The following GSS variants were observed in gnomAD, a reference collection of about 807,000 sequenced individuals.
The protein encoded by GSS is glutathione synthetase.
Under a neutral mutation model 60.4 loss-of-function variants are expected in GSS, and 34 were observed. The ratio of observed to expected loss-of-function variants is 0.56; its 90% CI spans 0.43 to 0.75. The LOEUF (loss-of-function observed/expected upper bound fraction) is 0.75. GSS is among the 30% of genes least tolerant of loss of function. The pLI is 0.00. For synonymous variants in GSS, 224 were observed against 239.0 expected, an observed-to-expected ratio of 0.94 and a Z score of 0.58; for missense variants, 499 against 595.1, an observed-to-expected ratio of 0.84 and a Z score of 1.68.
At chr20:34,938,078 G>A (rs547120895) in intron 6 of GSS, among the ~76,000 whole-genome samples, 1 of 152,116 alleles carries the variant, frequency 6.6e-6, no homozygotes, top group Non-Finnish European at 1.5e-5. Context: ...GGCTGGGCTC[G>A]AACTCCTGAC....
At chr20:34,951,255 T>C (rs550437124) in intron 2 of GSS, among the ~76,000 whole-genome samples, 2 of 152,302 alleles carry the variant, frequency 1.3e-5, no homozygotes, top group African/African-American at 4.8e-5. Context: ...ATATATATGA[T>C]ACAATTTGTT....
chr20:34,930,611 T>C (rs1380658044), intron 11 of GSS, among the ~76,000 whole-genome samples: 1 of 152,158 alleles, frequency 6.6e-6, no homozygotes, highest in Non-Finnish European at 1.5e-5. Flanking sequence ...CAGGACATCT[T>C]CTACAATGCA....
intron 2 of GSS, 141 bp from the exon 3 acceptor site, chr20:34,946,239 T>A: frequency 1.6e-6 from 1 of 635,724 alleles, no homozygotes; most frequent in Non-Finnish European, 2.7e-6. Flanking sequence ...CTTGGGAGAG[T>A]GGAAGGGGGA....
chr20:34,937,861 T>G (rs917360715), intron 6 of GSS, among the ~76,000 whole-genome samples: 1 of 152,122 alleles, frequency 6.6e-6, no homozygotes, highest in Non-Finnish European at 1.5e-5. Flanking sequence ...TACATTTTAT[T>G]TTATTTATTT....
chr20:34,932,532 C>G (rs982418613), intron 9 of GSS, among the ~76,000 whole-genome samples: 1 of 152,230 alleles, frequency 6.6e-6, no homozygotes, highest in East Asian at 1.9e-4. Context: ...ACAGGCCTGT[C>G]ATTCCTCAAA....
intron 6 of GSS, among the ~76,000 whole-genome samples, chr20:34,938,163 A>G (rs1378484168): frequency 6.6e-6 from 1 of 151,244 alleles, no homozygotes; most frequent in Non-Finnish European, 1.5e-5. Context: ...CAGCCTCCAA[A>G]CTCCATTTTT....
rs776999784 is a variant in GSS at position 34,929,382 on chromosome 20, C to G, written c.1301+19G>C. 4.4e-6 allele frequency: 7 copies of G among 1,607,262 alleles called. No homozygotes were observed. The highest frequency in any genetic ancestry group is 1.7e-6 in the Non-Finnish European group (2 of 1,173,700). ...TCTTGCAAGCAGGTAGTGGAAAGAG[C>G]TTCTCCTGATTGGCTCACCTGACAT... is the stretch of plus-strand genomic sequence containing the variant. On this transcript the variant is annotated intron_variant, in intron 12 of 12. Coordinates refer to ENST00000651619, the MANE Select transcript of GSS (RefSeq NM_000178.4).
In GSS at chr20:34,955,794, G is replaced by A. The variant is rs1190783857; in HGVS notation, c.-76C>T. ...CCGCTACCCAGGCTCAGGGGGCGGGGCCTCGATGCGACCCAGTGCGCTTGC... is the reference window on the plus strand; with the variant it reads ...CCGCTACCCAGGCTCAGGGGGCGGGACCTCGATGCGACCCAGTGCGCTTGC... On this transcript the variant is annotated 5_prime_UTR_variant, in exon 1 of 13. Coordinates refer to ENST00000651619, the MANE Select transcript of GSS (RefSeq NM_000178.4). 1.3e-5 allele frequency: 2 copies of A among 152,268 alleles called. No homozygotes were observed. The highest frequency in any genetic ancestry group is 4.8e-5 in the African/African-American group (2 of 41,456). The allele number at this position is 152,268 out of a possible 1,614,324, so 9.4% of individuals were successfully genotyped here.
At chr20:34,948,221 A>G (rs1293034391) in intron 2 of GSS, among the ~76,000 whole-genome samples, 1 of 152,198 alleles carries the variant, frequency 6.6e-6, no homozygotes, top group Non-Finnish European at 1.5e-5. Flanking sequence ...TGCAGATTAC[A>G]TAAGGGGTGA....
intron 10 of GSS, 52 bp downstream of exon 10, chr20:34,931,887 G>C: frequency 2.0e-6 from 3 of 1,519,466 alleles, no homozygotes; most frequent in Non-Finnish European, 2.7e-6. Flanking sequence ...TTGGGCTGTA[G>C]GTCTCTGCCA....
chr20:34,946,021 C>G lies in GSS; in HGVS notation c.207G>C (p.Gln69His), dbSNP rs778604655. 18 of 1,614,040 alleles carry G rather than the reference C, an allele frequency of 1.1e-5. No individual in the cohort carries two copies. The South Asian group carries it at 1.9e-4, about 17-fold the overall frequency. Reference sequence around the variant, plus strand: ...CATCCACTAGCAGGTTGAAGTCCATCTGCACAGCATAGGCTTGCTCCAGCA... The same window carrying G: ...CATCCACTAGCAGGTTGAAGTCCATGTGCACAGCATAGGCTTGCTCCAGCA... ...SALLEQAYAV[Q>H]MDFNLLVDAV... The change falls in exon 3 of 13, where the codon CAG (glutamine) becomes CAC (histidine). Residue 69 changes from glutamine to histidine, a missense_variant. Transcript: ENST00000651619.
At chr20:34,935,719 C>T in intron 8 of GSS, 77 bp from the exon 9 acceptor site, 1 of 1,177,730 alleles carries the variant, frequency 8.5e-7, no homozygotes. Flanking sequence ...TTTCAGGGTG[C>T]ATCAAGATGA....
intron 2 of GSS, chr20:34,951,392 C>A: frequency 3.2e-6 from 1 of 311,174 alleles, no homozygotes; most frequent in Non-Finnish European, 6.1e-6. Context: ...TCAGTAATAG[C>A]TCACTGGGCA....
At chr20:34,954,022 A>C (rs1426750095) in intron 1 of GSS, among the ~76,000 whole-genome samples, 1 of 152,208 alleles carries the variant, frequency 6.6e-6, no homozygotes. Flanking sequence ...TACTCTCTTT[A>C]TAGGTAGGAG....
At chr20:34,945,889 C>G in intron 3 of GSS, 64 bp downstream of exon 3, 1 of 1,556,476 alleles carries the variant, frequency 6.4e-7, no homozygotes, top group Admixed American at 1.7e-5. Context: ...CCTCACGGCT[C>G]TGCAATCTTC....
In GSS at chr20:34,951,280, T is replaced by C. The variant is rs34669462; in HGVS notation, c.129+444A>G. Reference sequence around the variant, plus strand: ...TACAATTTGTTTTTTAAAAAAGACGTATTTCTATATATACCTATCTATGTA... The same window carrying C: ...TACAATTTGTTTTTTAAAAAAGACGCATTTCTATATATACCTATCTATGTA... On this transcript the variant is annotated intron_variant, in intron 2 of 12. Coordinates refer to ENST00000651619, the MANE Select transcript of GSS (RefSeq NM_000178.4). Among the ~76,000 whole-genome samples the C allele has an allele frequency of 3.2e-3, 491 of 152,354 alleles. 3 individuals carry two copies. The highest frequency in any genetic ancestry group is 5.7e-3 in the Admixed American group (87 of 15,302).
In GSS at chr20:34,942,676, G is replaced by C. The variant is rs757100520; in HGVS notation, c.352-49C>G. On this transcript the variant is annotated intron_variant, in intron 4 of 12. Transcript: ENST00000651619. ...CAGTACCTGCCCAGGGACTGACTCT[G>C]AGGACCTAGCCACAGAGCACACAGG... The C allele has an allele frequency of 1.9e-6, 3 of 1,593,234 alleles. No homozygotes were observed. The South Asian group carries it at 3.3e-5, about 18-fold the overall frequency.
At chr20:34,948,346 CT>C (rs1283562314) in intron 2 of GSS, among the ~76,000 whole-genome samples, 1 of 152,176 alleles carries the variant, frequency 6.6e-6, no homozygotes, top group Non-Finnish European at 1.5e-5. Flanking sequence ...CAGAGTTTTT[CT>C]GCTAAGACAT....
At position 34,943,072 on chromosome 20, in the gene GSS, C is replaced by A. The variant is rs1275784014; in HGVS notation, c.276-66G>T. The stretch of plus-strand genomic sequence containing the variant: ...ACCTAAAATTTCAAGGAGTCCCATC[C>A]TCAGTCATTGACTCCTGAATCCTCT... On this transcript the variant is annotated intron_variant, in intron 3 of 12. Coordinates refer to ENST00000651619, the MANE Select transcript of GSS (RefSeq NM_000178.4). 1.1e-5 allele frequency: 11 copies of A among 1,044,228 alleles called. No individual in the cohort carries two copies. The African/African-American group carries it at 1.6e-4, about 15-fold the overall frequency. 64.7% of individuals were successfully genotyped at this position (1,044,228 alleles called of 1,614,324 possible).
Sources: gnomAD v4.1 joint callset for allele counts (sites outside exome capture counted in the v4.1 genomes callset) on GRCh38, gnomAD v4.1.1 for gene constraint, MANE v1.5 for transcripts, NCBI Gene and HGNC (gene_info 2026-07-23, HGNC 2026-07-21) for gene names.